SEC16A: variants seen among roughly 807,000 people sequenced by gnomAD.
SEC16A encodes the protein SEC16 homolog A, endoplasmic reticulum export factor, also known as protein transport protein Sec16A.
In SEC16A, 110 loss-of-function variants were observed where a neutral mutation model predicts 221.9. That is an observed-to-expected ratio of 0.50 (90% CI 0.42 to 0.58). The LOEUF (loss-of-function observed/expected upper bound fraction) is 0.58. Ranked by LOEUF, SEC16A falls within the 20% of genes least tolerant of loss-of-function variation. The probability of loss-of-function intolerance (pLI) is 0.00; values close to 1 mark genes in which losing one functional copy is unlikely to be tolerated. For missense variants in SEC16A, 3,165 were observed against 3,097.8 expected (o/e 1.02, Z -0.52); for synonymous variants, 1,393 against 1,257.7 (o/e 1.11, Z -2.28).
In SEC16A at chr9:136,441,786, A is replaced by G. The variant is rs1394753737; in HGVS notation, c.7043T>C (p.Ile2348Thr). 6.2e-7 allele frequency: 1 copy of G among 1,613,392 alleles called. No homozygotes were observed. The highest frequency in any genetic ancestry group is 8.5e-7 in the Non-Finnish European group (1 of 1,179,822). ...CAGCACCAGGTGCTTCCTCTGGCCA[A>G]TCCTCCCTAGCCTTGAGCTCCCGGA... ...ATSGSSRLGR[I>T]GQRKHLVLN The change falls in exon 32 of 32, where the codon ATT (isoleucine) becomes ACT (threonine). Residue 2348 changes from isoleucine (I) to threonine (T), a missense_variant. Transcript: ENST00000684901.
chr9:136,464,657 G>A, intron 8 of SEC16A, 95 bp from the exon 9 acceptor site: 1 of 1,133,484 alleles, frequency 8.8e-7, no homozygotes. Context: ...TAAATCACAG[G>A]TTAGATTTAT....
At chr9:136,446,623 G>A (rs540220816) in intron 28 of SEC16A, among the ~76,000 whole-genome samples, 1 of 152,186 alleles carries the variant, frequency 6.6e-6, no homozygotes, top group African/African-American at 2.4e-5. Context: ...ACCGTGCTGA[G>A]CAACCATCAC....
intron 23 of SEC16A, 151 bp downstream of exon 23, chr9:136,451,105 C>G: frequency 1.3e-6 from 1 of 765,986 alleles, no homozygotes; most frequent in Admixed American, 2.7e-5. Flanking sequence ...TACACAGACA[C>G]CCATCATGCC....
chr9:136,477,067 G>A lies in SEC16A; in HGVS notation c.549C>T (p.Asp183=). The A allele has an allele frequency of 1.2e-6, 2 of 1,613,848 alleles. No individual in the cohort carries two copies. The highest frequency in any genetic ancestry group is 1.7e-6 in the Non-Finnish European group (2 of 1,179,884). The change falls in exon 3 of 32, where the codon GAC becomes GAT. Residue 183 remains aspartate (D), a synonymous_variant. Transcript: ENST00000684901. ...GHPHGNMPGL[D]RPLSRQNPHD... ...GTGGGTTTTGCCTGCTCAGGGGTCGGTCGAGCCCAGGCATGTTCCCATGAG... is the reference window on the plus strand; with the variant it reads ...GTGGGTTTTGCCTGCTCAGGGGTCGATCGAGCCCAGGCATGTTCCCATGAG...
chr9:136,484,484 A>G, upstream of SEC16A: 1 of 1,215,228 alleles, frequency 8.2e-7, no homozygotes, highest in East Asian at 5.5e-5. Context: ...CTGCCTGGCA[A>G]GGGCAGGGAA....
chr9:136,446,717 A>C (rs1029400097), intron 28 of SEC16A, 138 bp downstream of exon 28: 1 of 824,144 alleles, frequency 1.2e-6, no homozygotes, highest in Non-Finnish European at 1.8e-6. Context: ...TCTACCATAC[A>C]TAAGTGTGAG....
At chr9:136,468,557 T>G (rs149394899) in intron 4 of SEC16A, 45 bp from the exon 5 acceptor site, 2 of 1,250,852 alleles carry the variant, frequency 1.6e-6, no homozygotes, top group African/African-American at 1.5e-5. Flanking sequence ...TACCTATTTC[T>G]TAAAGTGTGA....
At position 136,463,547 on chromosome 9, in the gene SEC16A, T is replaced by C. The variant is rs576597899; in HGVS notation, c.4563A>G (p.Lys1521=). 2.5e-6 allele frequency: 4 copies of C among 1,613,888 alleles called. No individual in the cohort carries two copies. The East Asian group carries it at 6.7e-5, about 27-fold the overall frequency. ...VINFAQNKAM[K]CLQNENLIDK... ...CAATTAAGTTTTCATTCTGCAAACATTTCATAGCTTTGTTCTGTGCAAAAT... is the reference window on the plus strand; with the variant it reads ...CAATTAAGTTTTCATTCTGCAAACACTTCATAGCTTTGTTCTGTGCAAAAT... Residue 1521 remains lysine, a synonymous_variant, in exon 11 of 32, where the codon AAA becomes AAG. Coordinates refer to ENST00000684901, the MANE Select transcript of SEC16A (RefSeq NM_014866.2).
Position 136,476,795 on chromosome 9 carries a change from G to A in SEC16A, c.821C>T (p.Ala274Val), listed in dbSNP as rs745756231. 1.2e-6 allele frequency: 2 copies of A among 1,611,548 alleles called. No individual in the cohort carries two copies. Among genetic ancestry groups the A allele is most frequent in the Admixed American group, 1.7e-5 (1 of 59,914 alleles). ...CTCGTCTCTTCCGTCACTGGGCAAGGCTGCTGGGGGAGCCACCAGAGGGCT... is the reference window on the plus strand; with the variant it reads ...CTCGTCTCTTCCGTCACTGGGCAAGACTGCTGGGGGAGCCACCAGAGGGCT... ...QHSPLVAPPA[A>V]LPSDGRDEVS... The change falls in exon 3 of 32, where the codon GCC becomes GTC. Residue 274 changes from alanine (A) to valine (V), a missense_variant. Around this residue, in one of 3 missense-constraint regions of SEC16A, gnomAD observed 2,030 missense variants for 1,923.1 expected, o/e 1.06. Coordinates refer to ENST00000684901, the MANE Select transcript of SEC16A (RefSeq NM_014866.2).
In SEC16A at chr9:136,475,308, A is replaced by T. The variant is rs1841474055; in HGVS notation, c.2308T>A (p.Ser770Thr). The T allele has an allele frequency of 1.2e-6, 2 of 1,613,068 alleles. No individual in the cohort carries two copies. Among genetic ancestry groups the T allele is most frequent in the African/African-American group, 1.3e-5 (1 of 74,940 alleles). Residue 770 changes from serine (S) to threonine (T), a missense_variant, in exon 3 of 32, where the codon TCA becomes ACA. By Grantham distance (58) the Ser-to-Thr change is moderately conservative (BLOSUM62 1). This residue lies in a region of SEC16A where 2,030 missense variants were observed against 1,923.1 expected (regional missense o/e 1.06). Coordinates refer to ENST00000684901, the MANE Select transcript of SEC16A (RefSeq NM_014866.2). This position sits in a 1 kb window ranked among gnomAD's most constrained non-coding sequence, Gnocchi z 5.0. ...PPEEAMSGQQ[S>T]RNPSSAAPVQ... ...GGGGCCGCCGAGCTTGGGTTCCGTGACTGCTGCCCGGACATCGCCTCTTCT... is the reference window on the plus strand; with the variant it reads ...GGGGCCGCCGAGCTTGGGTTCCGTGTCTGCTGCCCGGACATCGCCTCTTCT...
Position 136,447,790 on chromosome 9 carries a change from C to T in SEC16A, c.6447+63G>A. On this transcript the variant is annotated intron_variant, in intron 25 of 31. Transcript: ENST00000684901. The surrounding 1 kb of genome is among the most constrained non-coding windows in gnomAD (Gnocchi z 5.5). ...CAACAGCCACCCAAATATCACAGGG[C>T]CACATGAGGCTGTTCCCTCCACTCA... 1 of 1,554,208 alleles carries T rather than the reference C, an allele frequency of 6.4e-7. No homozygotes were observed. The highest frequency in any genetic ancestry group is 8.8e-7 in the Non-Finnish European group (1 of 1,134,172).
In SEC16A at chr9:136,474,400, T is replaced by C; in HGVS notation, c.3216A>G (p.Gln1072=). 6.2e-7 allele frequency: 1 copy of C among 1,612,626 alleles called. No individual in the cohort carries two copies. Among genetic ancestry groups the C allele is most frequent in the Non-Finnish European group, 8.5e-7 (1 of 1,179,868 alleles). The stretch of plus-strand genomic sequence containing the variant: ...GCTCCGAAAACATGGCTTTGGGTAG[T>C]TGTGGGGGAGAAGCCTGTTGCTGGG... ...VPPQQQASPP[Q]LPKAMFSELS... The change falls in exon 3 of 32, where the codon CAA becomes CAG. Residue 1072 remains glutamine (Q), a synonymous_variant. Transcript: ENST00000684901.
At position 136,477,073 on chromosome 9, in the gene SEC16A, C is replaced by G; in HGVS notation, c.543G>C (p.Gly181=). The change falls in exon 3 of 32, where the codon GGG becomes GGC. Residue 181 remains glycine (G), a synonymous_variant. Transcript: ENST00000684901. Reference sequence around the variant, plus strand: ...TTTGCCTGCTCAGGGGTCGGTCGAGCCCAGGCATGTTCCCATGAGGGTGGC... The same window carrying G: ...TTTGCCTGCTCAGGGGTCGGTCGAGGCCAGGCATGTTCCCATGAGGGTGGC... The part of the protein sequence containing the change: ...HGGHPHGNMP[G]LDRPLSRQNP... 1 of 1,613,822 alleles carries G rather than the reference C, an allele frequency of 6.2e-7. No individual in the cohort carries two copies. Among genetic ancestry groups the G allele is most frequent in the Non-Finnish European group, 8.5e-7 (1 of 1,179,874 alleles).
Position 136,475,196 on chromosome 9 carries a change from G to A in SEC16A, c.2420C>T (p.Ala807Val), listed in dbSNP as rs1472227058. ...MGEEEALQSQASSGYASLLSS... is the reference protein window; with the variant it reads ...MGEEEALQSQVSSGYASLLSS... ...TAATAAACTTGCATAACCAGAACTCGCCTGGGACTGAAGGGCCTCCTCCTC... is the reference window on the plus strand; with the variant it reads ...TAATAAACTTGCATAACCAGAACTCACCTGGGACTGAAGGGCCTCCTCCTC... The change falls in exon 3 of 32, where the codon GCG becomes GTG. Residue 807 changes from alanine (A) to valine (V), a missense_variant. Transcript: ENST00000684901. This position sits in a 1 kb window ranked among gnomAD's most constrained non-coding sequence, Gnocchi z 5.0. The A allele has an allele frequency of 2.5e-6, 4 of 1,613,692 alleles. No individual in the cohort carries two copies. The highest frequency in any genetic ancestry group is 2.5e-6 in the Non-Finnish European group (3 of 1,179,820).
intron 5 of SEC16A, among the ~76,000 whole-genome samples, chr9:136,468,024 C>T (rs57380853): frequency 0.023 from 3,546 of 152,324 alleles, 178 homozygotes; most frequent in African/African-American, 0.079. Context: ...GTCAGGAGTG[C>T]GGGAAACACG....
Position 136,459,470 on chromosome 9 carries a change from C to T in SEC16A, c.5277G>A (p.Lys1759=). The T allele has an allele frequency of 6.2e-7, 1 of 1,607,338 alleles. No individual in the cohort carries two copies. The highest frequency in any genetic ancestry group is 8.5e-7 in the Non-Finnish European group (1 of 1,176,510). ...TGTGATTGGATCCGATTAAGACAAGCTTTGTAGTTTTCTTCGTGTAAACAC... is the reference window on the plus strand; with the variant it reads ...TGTGATTGGATCCGATTAAGACAAGTTTTGTAGTTTTCTTCGTGTAAACAC... ...GFGVYTKKTT[K]LVLIGSNHSL... The change falls in exon 16 of 32, where the codon AAG becomes AAA. Residue 1759 remains lysine, a synonymous_variant. Transcript: ENST00000684901. The surrounding 1 kb of genome is among the most constrained non-coding windows in gnomAD (Gnocchi z 6.1).
intron 1 of SEC16A, among the ~76,000 whole-genome samples, chr9:136,482,492 T>G (rs149719528): frequency 6.6e-6 from 1 of 152,354 alleles, no homozygotes; most frequent in Non-Finnish European, 1.5e-5. Flanking sequence ...TGCAACATCC[T>G]GATCGCCCAA....
Position 136,477,361 on chromosome 9 carries a change from C to T in SEC16A, c.255G>A (p.Gly85=), listed in dbSNP as rs748947119. Residue 85 remains glycine, a synonymous_variant, in exon 3 of 32, where the codon GGG becomes GGA. Transcript: ENST00000684901. ...PPVLQGPAPA[G]FSQHPGLLVP... Reference sequence around the variant, plus strand: ...CAAGCAAACCGGGGTGCTGAGAAAACCCTGCGGGGGCTGGGCCTTGCAAGA... The same window carrying T: ...CAAGCAAACCGGGGTGCTGAGAAAATCCTGCGGGGGCTGGGCCTTGCAAGA... The T allele has an allele frequency of 8.7e-6, 14 of 1,613,842 alleles. No individual in the cohort carries two copies. Among genetic ancestry groups the T allele is most frequent in the Non-Finnish European group, 1.1e-5 (13 of 1,179,892 alleles).
intron 1 of SEC16A, among the ~76,000 whole-genome samples, chr9:136,480,081 G>A (rs958812818): frequency 1.3e-5 from 2 of 152,178 alleles, no homozygotes; most frequent in Non-Finnish European, 2.9e-5. Context: ...CTTCATGGAG[G>A]TTTTAGGCTC....
Sources: allele counts gnomAD v4.1 joint callset (sites outside exome capture counted in the v4.1 genomes callset), GRCh38; gene constraint gnomAD v4.1.1; regional missense constraint gnomAD v4.1.1; non-coding constraint Gnocchi (gnomAD v3.1); transcripts MANE v1.5; gene names NCBI Gene and HGNC (gene_info 2026-07-23, HGNC 2026-07-21).